Variants in BAALC observed in about 807,000 individuals in gnomAD.
BAALC encodes the protein brain and acute leukemia cytoplasmic protein.
BAALC carries 9 observed loss-of-function variants against 15.5 expected under a neutral mutation model. The ratio of observed to expected loss-of-function variants is 0.58; its 90% CI spans 0.35 to 1.02. The LOEUF (loss-of-function observed/expected upper bound fraction) is 1.02. Among genes scored for constraint, BAALC ranks in the 50% least tolerant of loss-of-function variants. The pLI is 0.02. For synonymous variants in BAALC, 80 were observed against 74.6 expected (o/e 1.07, Z -0.37); for missense variants, 201 against 192.4 (o/e 1.04, Z -0.27).
chr8:103,154,322 G>A (rs1811043712), intron 1 of BAALC, among the ~76,000 whole-genome samples: 1 of 152,044 alleles, frequency 6.6e-6, no homozygotes, highest in East Asian at 1.9e-4. Context: ...GTCTCATTCT[G>A]AGCCCTGTGG....
At chr8:103,171,488 C>T (rs1282021006) in intron 1 of BAALC, among the ~76,000 whole-genome samples, 2 of 151,938 alleles carry the variant, frequency 1.3e-5, no homozygotes, top group African/African-American at 4.8e-5. Flanking sequence ...AGAGGGAGTC[C>T]AAATATATCT....
chr8:103,155,662 C>G (rs1445833160), intron 1 of BAALC, among the ~76,000 whole-genome samples: 1 of 152,212 alleles, frequency 6.6e-6, no homozygotes, highest in Non-Finnish European at 1.5e-5. Flanking sequence ...CATAGGAAGA[C>G]CTGGCAGTAA....
chr8:103,185,587 A>C (rs1265855876), intron 1 of BAALC, among the ~76,000 whole-genome samples: 1 of 152,260 alleles, frequency 6.6e-6, no homozygotes, highest in Non-Finnish European at 1.5e-5. Flanking sequence ...TCAGAGTAAC[A>C]TATGGGGCTC....
intron 1 of BAALC, among the ~76,000 whole-genome samples, chr8:103,202,622 G>C (rs1409022023): frequency 1.4e-4 from 21 of 152,250 alleles, no homozygotes; most frequent in Admixed American, 1.4e-3. Context: ...CATAAGAGAA[G>C]TGTTTTGAGC....
intron 1 of BAALC, among the ~76,000 whole-genome samples, chr8:103,172,910 A>T (rs1660894739): frequency 6.6e-6 from 1 of 152,242 alleles, no homozygotes; most frequent in East Asian, 1.9e-4. Flanking sequence ...TTATAAAACA[A>T]AAAATAATGA....
At chr8:103,205,907 T>A (rs1333971111) in intron 1 of BAALC, among the ~76,000 whole-genome samples, 1 of 152,196 alleles carries the variant, frequency 6.6e-6, no homozygotes, top group East Asian at 1.9e-4. Context: ...GGAGTAGACA[T>A]GCAAATAGAG....
chr8:103,206,597 G>A (rs558403846), intron 1 of BAALC, among the ~76,000 whole-genome samples: 19 of 152,286 alleles, frequency 1.2e-4, no homozygotes, highest in Admixed American at 3.3e-4. Flanking sequence ...CAGGTCAGTC[G>A]TCTCCTGGGA....
chr8:103,154,319 TCTGAGC>T (rs1811043638), intron 1 of BAALC, among the ~76,000 whole-genome samples: 1 of 152,042 alleles, frequency 6.6e-6, no homozygotes, highest in Non-Finnish European at 1.5e-5. Flanking sequence ...TCTGTCTCAT[TCTGAGC>T]CCTGTGGTCT....
intron 1 of BAALC, among the ~76,000 whole-genome samples, chr8:103,207,767 T>C (rs924768433): frequency 2.0e-5 from 3 of 152,226 alleles, no homozygotes; most frequent in African/African-American, 4.8e-5. Context: ...TCTGGTCTCC[T>C]ACACAGGACA....
chr8:103,184,939 T>C (rs1811799396), intron 1 of BAALC, among the ~76,000 whole-genome samples: 1 of 152,164 alleles, frequency 6.6e-6, no homozygotes, highest in African/African-American at 2.4e-5. Flanking sequence ...AATAAGAATG[T>C]CTCAGTGTTT....
rs905201728 is a variant in BAALC, at chr8:103,206,392, G to C, written c.161-6527G>C. Among the ~76,000 whole-genome samples, 2 of 152,068 alleles carry C rather than the reference G, an allele frequency of 1.3e-5. 1 individual carries two copies. Among genetic ancestry groups the C allele is most frequent in the South Asian group, 4.1e-4 (2 of 4,822 alleles). ...TTGAACAATCTCTCAGGCTTTTCTT[G>C]CTGAGAGATTTTCTTGGAGAAGTAT... On this transcript the variant is annotated intron_variant, in intron 1 of 2. Coordinates refer to ENST00000309982, the MANE Select transcript of BAALC (RefSeq NM_024812.3).
chr8:103,141,294 C>T (rs939511098), intron 1 of BAALC: 32 of 460,014 alleles, frequency 7.0e-5, no homozygotes, highest in Admixed American at 8.9e-5. Flanking sequence ...CAGCCCAATG[C>T]TCTTTGGCCT....
chr8:103,158,796 G>T (rs1811159184), intron 1 of BAALC, among the ~76,000 whole-genome samples: 1 of 152,094 alleles, frequency 6.6e-6, no homozygotes, highest in Non-Finnish European at 1.5e-5. Flanking sequence ...CTTAAGAATT[G>T]TTTATTTCTG....
At chr8:103,192,557 G>GT (rs1201625073) in intron 1 of BAALC, among the ~76,000 whole-genome samples, 1 of 152,208 alleles carries the variant, frequency 6.6e-6, no homozygotes, top group Non-Finnish European at 1.5e-5. Flanking sequence ...TATCAGGTGA[G>GT]TTTTTTGGCA....
chr8:103,177,515 C>T (rs1811634664), intron 1 of BAALC, among the ~76,000 whole-genome samples: 2 of 152,182 alleles, frequency 1.3e-5, no homozygotes, highest in Admixed American at 1.3e-4. Flanking sequence ...CCACCTATCC[C>T]ATGCAAAATT....
At chr8:103,142,003 T>A (rs569764806) in intron 1 of BAALC, among the ~76,000 whole-genome samples, 1 of 152,366 alleles carries the variant, frequency 6.6e-6, no homozygotes, top group Non-Finnish European at 1.5e-5. Flanking sequence ...TCTCACTACT[T>A]ATTACATGGA....
chr8:103,216,362 C>T lies in BAALC; in HGVS notation c.327+3277C>T, dbSNP rs148511969. ...ATAGTTTTCCAAAGTGGTTATGCTG[C>T]TTTATACTCTAACTAGCAGTGGTTG... On this transcript the variant is annotated intron_variant, in intron 2 of 2. Transcript: ENST00000309982. Among the ~76,000 whole-genome samples the T allele has an allele frequency of 5.9e-3, 903 of 152,252 alleles. 5 individuals carry two copies. Among genetic ancestry groups the T allele is most frequent in the African/African-American group, 0.019 (806 of 41,530 alleles).
At chr8:103,152,409 C>T (rs990444195) in intron 1 of BAALC, among the ~76,000 whole-genome samples, 2 of 152,212 alleles carry the variant, frequency 1.3e-5, no homozygotes, top group Non-Finnish European at 2.9e-5. Context: ...AACTCCTCTT[C>T]ACCCTTTGGC....
intron 2 of BAALC, among the ~76,000 whole-genome samples, chr8:103,224,071 C>T (rs1393192312): frequency 1.3e-5 from 2 of 151,896 alleles, no homozygotes; most frequent in East Asian, 1.9e-4. Context: ...TCCTTCACAA[C>T]GCTTTGTGCG....
Sources: allele counts gnomAD v4.1 joint callset (sites outside exome capture counted in the v4.1 genomes callset), GRCh38; gene constraint gnomAD v4.1.1; transcripts MANE v1.5; gene names NCBI Gene and HGNC (gene_info 2026-07-23, HGNC 2026-07-21).